The following LMCD1 variants were observed in gnomAD, a reference collection of about 807,000 sequenced individuals.
LMCD1 encodes LIM and cysteine-rich domains protein 1.
In LMCD1, 32 loss-of-function variants were observed where a neutral mutation model predicts 42.7. The observed-to-expected ratio is 0.75, with a 90% CI of 0.57 to 1.01. The LOEUF (loss-of-function observed/expected upper bound fraction) is 1.01. Among genes scored for constraint, LMCD1 ranks in the 50% least tolerant of loss-of-function variants. LMCD1 has a pLI of 0.00. For synonymous variants in LMCD1, 178 were observed against 184.9 expected, an observed-to-expected ratio of 0.96 and a Z score of 0.30; for missense variants, 458 against 483.1, an observed-to-expected ratio of 0.95 and a Z score of 0.49.
rs762474210 is a variant in LMCD1 at position 8,502,266 on chromosome 3, A to AAT, written c.42+296_42+297dup. Among the ~76,000 whole-genome samples, 217 of 72,726 alleles carry AAT rather than the reference A, an allele frequency of 3.0e-3. 3 individuals carry two copies. Among genetic ancestry groups the AAT allele is most frequent in the Non-Finnish European group, 5.2e-3 (187 of 35,952 alleles). 47.7% of individuals were successfully genotyped at this position (72,726 alleles called of 152,430 possible). A position where few individuals can be genotyped will look rare whatever the true frequency, so the allele number is the denominator to read the frequency against. ...TACAATATATATAAAATGTATATAA[A>AAT]ATATATATATAAAATATATATAATA... On this transcript the variant is annotated intron_variant, in intron 1 of 5. Transcript: ENST00000157600.
chr3:8,565,975 A>G (rs985816469), intron 5 of LMCD1, among the ~76,000 whole-genome samples: 45 of 152,142 alleles, frequency 3.0e-4, no homozygotes, highest in African/African-American at 1.1e-3. Context: ...TCTTATTATT[A>G]TTATCATGTG....
At chr3:8,538,253 C>T (rs1353912273) in intron 3 of LMCD1, among the ~76,000 whole-genome samples, 2 of 152,196 alleles carry the variant, frequency 1.3e-5, no homozygotes, top group African/African-American at 4.8e-5. Flanking sequence ...CATCAGAATG[C>T]ATCCAGCAAG....
At chr3:8,558,392 A>T (rs901088748) in intron 4 of LMCD1, among the ~76,000 whole-genome samples, 1 of 152,186 alleles carries the variant, frequency 6.6e-6, no homozygotes, top group Non-Finnish European at 1.5e-5. Flanking sequence ...TAAGAATCTC[A>T]TGCCATTAGA....
At chr3:8,552,597 C>G (rs995471725) in intron 4 of LMCD1, among the ~76,000 whole-genome samples, 1 of 152,082 alleles carries the variant, frequency 6.6e-6, no homozygotes, top group African/African-American at 2.4e-5. Context: ...CTTTGAGGAC[C>G]GCTGCTAACA....
chr3:8,566,817 T>C lies in LMCD1; in HGVS notation c.940-623T>C, dbSNP rs111675853. On this transcript the variant is annotated intron_variant, in intron 5 of 5. Coordinates refer to ENST00000157600, the MANE Select transcript of LMCD1 (RefSeq NM_014583.4). ...TGGTCATTTGGCAATCATAGAACCT[T>C]GTGGGATGGAAAGTATTTATATCCC... Among the ~76,000 whole-genome samples, 17 of 152,340 alleles carry C rather than the reference T, an allele frequency of 1.1e-4. No individual in the cohort carries two copies. In the East Asian group the frequency reaches 3.3e-3, roughly 29 times the overall value.
rs755774934 is a variant in LMCD1 at position 8,549,891 on chromosome 3, G to A, written c.723+988G>A. On this transcript the variant is annotated intron_variant, in intron 4 of 5. Transcript: ENST00000157600. ...CTTCTTAGAAGCCAGTCCCACTCGTGTGATAACCCATTAATCTATTAAGCC... is the reference window on the plus strand; with the variant it reads ...CTTCTTAGAAGCCAGTCCCACTCGTATGATAACCCATTAATCTATTAAGCC... 1.1e-5 allele frequency: 8 copies of A among 758,610 alleles called. No individual in the cohort carries two copies. In the South Asian group the frequency reaches 1.2e-4, roughly 11 times the overall value. 47.0% of individuals were successfully genotyped at this position (758,610 alleles called of 1,614,324 possible).
At chr3:8,527,732 C>G (rs972727572) in intron 1 of LMCD1, among the ~76,000 whole-genome samples, 1 of 152,148 alleles carries the variant, frequency 6.6e-6, no homozygotes, top group Non-Finnish European at 1.5e-5. Context: ...AGAAAGGAAA[C>G]CTGTGAGTAA....
chr3:8,533,607 G>A (rs182693843), intron 2 of LMCD1, among the ~76,000 whole-genome samples: 126 of 152,284 alleles, frequency 8.3e-4, no homozygotes, highest in African/African-American at 2.8e-3. Context: ...AGGTGTTTTC[G>A]CAGCAATACT....
Position 8,565,515 on chromosome 3 carries a change from C to T in LMCD1, c.807C>T (p.His269=), listed in dbSNP as rs545117533. ...SDRAGYNKQW[H]PTCFVCAKCS... is the part of the protein sequence containing the mutation. ...GGGCAGGCTACAACAAGCAGTGGCA[C>T]CCCACCTGCTTTGTGTGTGCCAAGT... Residue 269 remains histidine, a synonymous_variant, in exon 5 of 6, where the codon CAC becomes CAT. Transcript: ENST00000157600. 1.9e-6 allele frequency: 3 copies of T among 1,614,214 alleles called. No individual in the cohort carries two copies. In the South Asian group the frequency reaches 3.3e-5, roughly 18 times the overall value.
rs77771639 is a variant in LMCD1 at position 8,529,802 on chromosome 3, C to A, written c.43-2935C>A. On this transcript the variant is annotated intron_variant, in intron 1 of 5. Transcript: ENST00000157600. Reference sequence around the variant, plus strand: ...CTAGAAAAAAATGTGTTGAGAATATCTAATTCAGGGTCTCTCAAACTTTTC... The same window carrying A: ...CTAGAAAAAAATGTGTTGAGAATATATAATTCAGGGTCTCTCAAACTTTTC... 2.1e-3 allele frequency among the ~76,000 whole-genome samples: 320 copies of A among 152,278 alleles called. 2 individuals are homozygous for A. The highest frequency in any genetic ancestry group is 7.5e-3 in the African/African-American group (313 of 41,558).
intron 1 of LMCD1, among the ~76,000 whole-genome samples, chr3:8,509,885 G>A (rs1023154064): frequency 7.9e-5 from 12 of 152,174 alleles, no homozygotes; most frequent in African/African-American, 2.7e-4. Context: ...CTGAGGCAAG[G>A]GGGACTATTG....
chr3:8,555,400 T>A (rs1175461871), intron 4 of LMCD1, among the ~76,000 whole-genome samples: 1 of 152,112 alleles, frequency 6.6e-6, no homozygotes, highest in Non-Finnish European at 1.5e-5. Flanking sequence ...CCCCACTTAG[T>A]GAGCCCCATC....
At chr3:8,520,702 A>G (rs1220558320) in intron 1 of LMCD1, among the ~76,000 whole-genome samples, 2 of 152,182 alleles carry the variant, frequency 1.3e-5, no homozygotes, top group Non-Finnish European at 1.5e-5. Flanking sequence ...AGAAAAAACA[A>G]TTGTGTTGGA....
intron 4 of LMCD1, chr3:8,549,874 A>C: frequency 1.4e-6 from 1 of 737,522 alleles, no homozygotes; most frequent in Non-Finnish European, 2.4e-6. Flanking sequence ...CTCTTCTTAG[A>C]AGCCAGTCCC....
intron 4 of LMCD1, among the ~76,000 whole-genome samples, chr3:8,555,186 TC>T (rs1462743231): frequency 1.4e-5 from 2 of 140,476 alleles, no homozygotes; most frequent in Middle Eastern, 3.5e-3. Flanking sequence ...GTCCCCTCCC[TC>T]CCCCCCGCCA....
rs759606631 is a variant in LMCD1, at chr3:8,548,825, G to T, written c.645G>T (p.Gln215His). The T allele has an allele frequency of 1.2e-6, 2 of 1,601,974 alleles. No individual in the cohort carries two copies. The highest frequency in any genetic ancestry group is 1.7e-6 in the Non-Finnish European group (2 of 1,171,370). ...GGLPKEEGKQ[Q>H]EKPEGAETTA... is the part of the protein sequence containing the mutation. ...TGCCCAAGGAGGAGGGGAAGCAGCAGGAAAAGCCAGAGGGGGCAGAGACCA... is the reference window on the plus strand; with the variant it reads ...TGCCCAAGGAGGAGGGGAAGCAGCATGAAAAGCCAGAGGGGGCAGAGACCA... Residue 215 changes from glutamine (Q) to histidine (H), a missense_variant, in exon 4 of 6, where the codon CAG (glutamine) becomes CAT (histidine). Coordinates refer to ENST00000157600, the MANE Select transcript of LMCD1 (RefSeq NM_014583.4).
chr3:8,539,693 G>A (rs1694580571), intron 3 of LMCD1, among the ~76,000 whole-genome samples: 1 of 152,012 alleles, frequency 6.6e-6, no homozygotes, highest in African/African-American at 2.4e-5. Context: ...AAAACCACAT[G>A]GCTGTAAAGA....
rs62242268 is a variant in LMCD1, at chr3:8,543,436, T to C, written c.388-5132T>C. 3.2e-4 allele frequency among the ~76,000 whole-genome samples: 44 copies of C among 136,768 alleles called. 2 individuals are homozygous for C. Among genetic ancestry groups the C allele is most frequent in the African/African-American group, 9.2e-4 (33 of 35,844 alleles). The allele number at this position is 136,768 out of a possible 152,430, so 89.7% of individuals were successfully genotyped here. A position where few individuals can be genotyped will look rare whatever the true frequency, so the allele number is the denominator to read the frequency against. On this transcript the variant is annotated intron_variant, in intron 3 of 5. Coordinates refer to ENST00000157600, the MANE Select transcript of LMCD1 (RefSeq NM_014583.4). The stretch of plus-strand genomic sequence containing the variant: ...ATAGATAGATAGATAGATAGATAGA[T>C]AGATAGACAGACAGACAGAGAGATA...
intron 4 of LMCD1, among the ~76,000 whole-genome samples, chr3:8,558,235 T>A (rs574002103): frequency 2.3e-4 from 35 of 152,344 alleles, no homozygotes; most frequent in African/African-American, 8.4e-4. Context: ...TTTGCCAACA[T>A]GACTTAAACA....
Sources: allele counts gnomAD v4.1 joint callset (sites outside exome capture counted in the v4.1 genomes callset), GRCh38; gene constraint gnomAD v4.1.1; transcripts MANE v1.5; gene names NCBI Gene and HGNC (gene_info 2026-07-23, HGNC 2026-07-21).